The following EIF2B3 variants were observed in gnomAD, a reference collection of about 807,000 sequenced individuals.
EIF2B3 encodes translation initiation factor eIF2B subunit gamma.
EIF2B3 carries 20 observed loss-of-function variants against 54.1 expected under a neutral mutation model. The observed-to-expected ratio is 0.37, with a 90% CI of 0.26 to 0.54. The LOEUF (loss-of-function observed/expected upper bound fraction) is 0.54, where lower values mean the gene tolerates loss of function less well. Among genes scored for constraint, EIF2B3 ranks in the 20% least tolerant of loss-of-function variants. The pLI is 0.86. For missense variants in EIF2B3, 448 were observed against 547.8 expected, an observed-to-expected ratio of 0.82 and a Z score of 1.82; for synonymous variants, 153 against 188.1, an observed-to-expected ratio of 0.81 and a Z score of 1.52.
intron 8 of EIF2B3, 120 bp from the exon 9 acceptor site, chr1:44,875,815 C>G (rs1367547218): frequency 2.5e-6 from 2 of 811,766 alleles, no homozygotes; most frequent in Non-Finnish European, 4.2e-6. Context: ...TCTCTTTCCA[C>G]GGTCTCCCTC....
intron 3 of EIF2B3, among the ~76,000 whole-genome samples, chr1:44,965,050 T>C (rs1644323071): frequency 6.6e-6 from 1 of 152,236 alleles, no homozygotes; most frequent in Admixed American, 6.5e-5. Context: ...CTTTGCTTTA[T>C]GTGCAGCTCA....
At chr1:44,948,267 C>T (rs1053257097) in intron 3 of EIF2B3, among the ~76,000 whole-genome samples, 24 of 152,256 alleles carry the variant, frequency 1.6e-4, no homozygotes, top group African/African-American at 5.5e-4. Flanking sequence ...CATGCTGTTG[C>T]TACCATCCAG....
intron 6 of EIF2B3, among the ~76,000 whole-genome samples, chr1:44,882,992 C>T (rs1376519398): frequency 3.0e-5 from 4 of 135,560 alleles, no homozygotes; most frequent in South Asian, 2.3e-4. Context: ...TGTAGCGGTG[C>T]GATCTTGGCT....
intron 10 of EIF2B3, among the ~76,000 whole-genome samples, chr1:44,874,044 C>G (rs1655045655): frequency 6.7e-6 from 1 of 150,156 alleles, no homozygotes; most frequent in Non-Finnish European, 1.5e-5. Flanking sequence ...TCTGAACTCT[C>G]AAATGTTCCA....
At chr1:44,870,107 G>A (rs2148898992) in intron 10 of EIF2B3, among the ~76,000 whole-genome samples, 1 of 151,950 alleles carries the variant, frequency 6.6e-6, no homozygotes, top group African/African-American at 2.4e-5. Context: ...AGGGTGTTGA[G>A]GCTGCGGTGA....
intron 11 of EIF2B3, among the ~76,000 whole-genome samples, chr1:44,855,095 A>AAG (rs1654395788): frequency 6.6e-6 from 1 of 151,912 alleles, no homozygotes; most frequent in Admixed American, 6.6e-5. Flanking sequence ...GTCTCAAAAA[A>AAG]AAAAAAAAAA....
chr1:44,877,198 A>AC (rs1655200104), intron 8 of EIF2B3, among the ~76,000 whole-genome samples: 2 of 140,868 alleles, frequency 1.4e-5, no homozygotes, highest in African/African-American at 2.7e-5. Flanking sequence ...TCAATAAAAA[A>AC]AAAAAAAAAA....
Position 44,940,054 on chromosome 1 carries a change from A to G in EIF2B3, c.454+1452T>C, listed in dbSNP as rs544153126. 5.3e-5 allele frequency among the ~76,000 whole-genome samples: 8 copies of G among 152,284 alleles called. No individual in the cohort carries two copies. The East Asian group carries it at 1.5e-3, about 29-fold the overall frequency. On this transcript the variant is annotated intron_variant, in intron 4 of 11. Coordinates refer to ENST00000360403, the MANE Select transcript of EIF2B3 (RefSeq NM_020365.5). ...AATGTAGAAAAAGTATCCAACAATT[A>G]ATCTGCACCAGTGATCATCTGAACA...
Position 44,850,719 on chromosome 1 carries a change from A to G in EIF2B3, c.*232T>C. 3.4e-6 allele frequency: 2 copies of G among 581,596 alleles called. No homozygotes were observed. Among genetic ancestry groups the G allele is most frequent in the Non-Finnish European group, 3.1e-6 (1 of 326,490 alleles). 36.0% of individuals were successfully genotyped at this position (581,596 alleles called of 1,614,324 possible). Reference sequence around the variant, plus strand: ...TGGCACACAAGAGTTAGGCCACTGTATCTGTCCTGTCCCACACACTTGCTC... The same window carrying G: ...TGGCACACAAGAGTTAGGCCACTGTGTCTGTCCTGTCCCACACACTTGCTC... On this transcript the variant is annotated 3_prime_UTR_variant, in exon 12 of 12. Coordinates refer to ENST00000360403, the MANE Select transcript of EIF2B3 (RefSeq NM_020365.5).
chr1:44,925,924 CA>C (rs1198057664), intron 5 of EIF2B3, among the ~76,000 whole-genome samples: 2 of 141,764 alleles, frequency 1.4e-5, no homozygotes, highest in African/African-American at 2.6e-5. Flanking sequence ...ACTCCCTCTC[CA>C]AAAAAAAAGG....
chr1:44,942,074 A>T (rs1254987785), intron 3 of EIF2B3, among the ~76,000 whole-genome samples: 2 of 152,066 alleles, frequency 1.3e-5, no homozygotes, highest in African/African-American at 4.8e-5. Flanking sequence ...TTACTACAGT[A>T]CTAGGAAATA....
At chr1:44,955,562 A>G (rs1644213944) in intron 3 of EIF2B3, among the ~76,000 whole-genome samples, 1 of 152,188 alleles carries the variant, frequency 6.6e-6, no homozygotes, top group South Asian at 2.1e-4. Context: ...AGAAACTATC[A>G]TCAGAGTGAA....
chr1:44,930,628 C>T (rs1003231759), intron 4 of EIF2B3, among the ~76,000 whole-genome samples: 14 of 152,088 alleles, frequency 9.2e-5, no homozygotes, highest in African/African-American at 3.4e-4. Flanking sequence ...AAGGCTGAGG[C>T]TCTCCCTATA....
rs563053811 is a variant in EIF2B3, at chr1:44,887,710, G to A, written c.657-5971C>T. Among the ~76,000 whole-genome samples the A allele has an allele frequency of 3.3e-5, 5 of 152,254 alleles. No homozygotes were observed. The East Asian group carries it at 7.7e-4, about 24-fold the overall frequency. On this transcript the variant is annotated intron_variant, in intron 6 of 11. Coordinates refer to ENST00000360403, the MANE Select transcript of EIF2B3 (RefSeq NM_020365.5). ...TCCCAGCACTTTGGGAGGCCAAGGC[G>A]GGTGGTCAACATGGTGAAACACCAT... is the stretch of plus-strand genomic sequence containing the variant.
intron 10 of EIF2B3, among the ~76,000 whole-genome samples, chr1:44,868,364 C>T (rs1284752100): frequency 7.7e-6 from 1 of 130,708 alleles, no homozygotes. Flanking sequence ...CGCCACTGTA[C>T]TCCAACCTGG....
intron 3 of EIF2B3, among the ~76,000 whole-genome samples, chr1:44,965,570 C>G (rs945406400): frequency 4.7e-5 from 7 of 149,526 alleles, no homozygotes; most frequent in Admixed American, 4.7e-4. Context: ...TACTAAAGTA[C>G]TAATGCTTTT....
intron 3 of EIF2B3, among the ~76,000 whole-genome samples, chr1:44,944,116 C>A (rs1644070645): frequency 6.6e-6 from 1 of 151,948 alleles, no homozygotes. Flanking sequence ...TGCACTCCAG[C>A]TTGGGTGACA....
intron 5 of EIF2B3, among the ~76,000 whole-genome samples, chr1:44,908,714 A>C (rs1348420855): frequency 6.6e-6 from 1 of 152,226 alleles, no homozygotes; most frequent in East Asian, 1.9e-4. Context: ...GAGATAGTGG[A>C]AAGCAAAGTT....
At chr1:44,924,233 C>T (rs1643808145) in intron 5 of EIF2B3, among the ~76,000 whole-genome samples, 1 of 152,084 alleles carries the variant, frequency 6.6e-6, no homozygotes, top group Non-Finnish European at 1.5e-5. Context: ...AGCCACCGCG[C>T]CCAGCCAGAG....
Sources: gnomAD v4.1 joint callset for allele counts (sites outside exome capture counted in the v4.1 genomes callset) on GRCh38, gnomAD v4.1.1 for gene constraint, MANE v1.5 for transcripts, NCBI Gene and HGNC (gene_info 2026-07-23, HGNC 2026-07-21) for gene names.